Variants in PIP5K1B observed in about 807,000 individuals in gnomAD.
The protein encoded by PIP5K1B is phosphatidylinositol-4-phosphate 5-kinase type 1 beta.
A neutral mutation model predicts 67.0 loss-of-function variants in PIP5K1B; 42 were observed. That is an observed-to-expected ratio of 0.63 (90% CI 0.49 to 0.81). PIP5K1B has a LOEUF of 0.81. Ranked by LOEUF, PIP5K1B falls within the 30% of genes least tolerant of loss-of-function variation. PIP5K1B has a pLI of 0.00. For missense variants in PIP5K1B, 459 were observed against 646.3 expected (o/e 0.71, Z 3.14); for synonymous variants, 214 against 231.4 (o/e 0.92, Z 0.68).
chr9:68,867,691 G>A (rs921939786), intron 5 of PIP5K1B, among the ~76,000 whole-genome samples: 1 of 152,178 alleles, frequency 6.6e-6, no homozygotes, highest in South Asian at 2.1e-4. Context: ...ATACTTTCTT[G>A]TATGTCAATT....
chr9:68,754,803 G>A (rs528810216), intron 2 of PIP5K1B, among the ~76,000 whole-genome samples: 2 of 152,170 alleles, frequency 1.3e-5, no homozygotes, highest in African/African-American at 4.8e-5. Context: ...CTTTTTTTCT[G>A]ATTTTAAAGA....
intron 1 of PIP5K1B, among the ~76,000 whole-genome samples, chr9:68,712,213 C>G (rs1453926853): frequency 6.6e-6 from 1 of 152,156 alleles, no homozygotes; most frequent in Non-Finnish European, 1.5e-5. Flanking sequence ...CTACCCCTCC[C>G]TTGCTCCCTC....
chr9:68,811,038 T>C lies in PIP5K1B; in HGVS notation c.-85-7423T>C, dbSNP rs868445914. ...ACTTGACTGGACTCCAGGAAAATCA[T>C]CCCAAGTCACAACCTCGCTCCTCTC... On this transcript the variant is annotated intron_variant, in intron 2 of 15. Coordinates refer to ENST00000265382, the MANE Select transcript of PIP5K1B (RefSeq NM_003558.4). 6.6e-5 allele frequency among the ~76,000 whole-genome samples: 10 copies of C among 152,258 alleles called. No individual in the cohort carries two copies. In the Middle Eastern group the frequency reaches 0.017, roughly 259 times the overall value.
chr9:68,841,213 A>G (rs1197321464), intron 4 of PIP5K1B, among the ~76,000 whole-genome samples: 1 of 152,264 alleles, frequency 6.6e-6, no homozygotes, highest in East Asian at 1.9e-4. Context: ...TTCAAATGCA[A>G]CACGTTGTGA....
chr9:68,942,020 C>A (rs1827585353), intron 14 of PIP5K1B, among the ~76,000 whole-genome samples: 1 of 152,130 alleles, frequency 6.6e-6, no homozygotes, highest in South Asian at 2.1e-4. Flanking sequence ...CTCTAAGGGC[C>A]AACAAATAAG....
intron 4 of PIP5K1B, among the ~76,000 whole-genome samples, chr9:68,846,333 A>T (rs1368704565): frequency 6.6e-6 from 1 of 152,218 alleles, no homozygotes; most frequent in African/African-American, 2.4e-5. Context: ...TGGTACTGTA[A>T]ACAATTGCTA....
intron 15 of PIP5K1B, among the ~76,000 whole-genome samples, chr9:68,998,344 A>G (rs1346654276): frequency 3.3e-5 from 5 of 151,978 alleles, no homozygotes; most frequent in African/African-American, 1.2e-4. Context: ...GAGCCACTGC[A>G]CCCGGCTGAT....
chr9:68,796,183 T>C (rs1325947126), intron 2 of PIP5K1B, among the ~76,000 whole-genome samples: 4 of 152,228 alleles, frequency 2.6e-5, no homozygotes, highest in African/African-American at 9.6e-5. Context: ...CCCCATGTAA[T>C]ATACAGTGAA....
chr9:68,719,939 G>A (rs1476657411), intron 1 of PIP5K1B, among the ~76,000 whole-genome samples: 2 of 152,150 alleles, frequency 1.3e-5, no homozygotes, highest in African/African-American at 2.4e-5. Context: ...ACATGTGCCT[G>A]GAAGCTTTAG....
chr9:68,710,644 A>G (rs1026853996), intron 1 of PIP5K1B, among the ~76,000 whole-genome samples: 6 of 152,218 alleles, frequency 3.9e-5, no homozygotes, highest in Non-Finnish European at 5.9e-5. Flanking sequence ...ACTCTTGGAA[A>G]GATTTGAAAC....
Position 68,872,326 on chromosome 9 carries a change from C to T in PIP5K1B, c.201-4351C>T, listed in dbSNP as rs1048449180. 4.6e-5 allele frequency among the ~76,000 whole-genome samples: 7 copies of T among 152,340 alleles called. No individual in the cohort carries two copies. In the East Asian group the frequency reaches 9.6e-4, roughly 21 times the overall value. ...CACTCGTGCTCCCCTGACAAATATCCGGGCCCAGCAGGGGCCAGCGATCTC... is the reference window on the plus strand; with the variant it reads ...CACTCGTGCTCCCCTGACAAATATCTGGGCCCAGCAGGGGCCAGCGATCTC... On this transcript the variant is annotated intron_variant, in intron 5 of 15. Transcript: ENST00000265382.
chr9:68,829,272 C>T (rs922123449), intron 4 of PIP5K1B, among the ~76,000 whole-genome samples: 6 of 152,206 alleles, frequency 3.9e-5, no homozygotes, highest in South Asian at 2.1e-4. Context: ...TCTGGAAAGC[C>T]ACCACTTCCA....
chr9:68,714,157 A>G (rs1204006149), intron 1 of PIP5K1B, among the ~76,000 whole-genome samples: 1 of 152,240 alleles, frequency 6.6e-6, no homozygotes, highest in Non-Finnish European at 1.5e-5. Context: ...TCTAGTTTGC[A>G]TAATTGACAT....
At chr9:68,903,863 T>C (rs1185259835) in intron 8 of PIP5K1B, among the ~76,000 whole-genome samples, 1 of 152,214 alleles carries the variant, frequency 6.6e-6, no homozygotes, top group East Asian at 1.9e-4. Flanking sequence ...ACAAATCATA[T>C]GTAATATGTA....
chr9:68,815,778 G>A (rs1285721231), intron 2 of PIP5K1B, among the ~76,000 whole-genome samples: 1 of 151,954 alleles, frequency 6.6e-6, no homozygotes, highest in Admixed American at 6.6e-5. Flanking sequence ...CTTTTAAGAA[G>A]ATTAAGAAAT....
intron 2 of PIP5K1B, chr9:68,786,002 A>C (rs1234787172): frequency 6.6e-6 from 1 of 152,210 alleles, no homozygotes; most frequent in African/African-American, 2.4e-5. Flanking sequence ...AACAAGCCTT[A>C]TTCTTCTTTT....
At chr9:68,708,616 A>T (rs1376512436) in intron 1 of PIP5K1B, among the ~76,000 whole-genome samples, 1 of 133,634 alleles carries the variant, frequency 7.5e-6, no homozygotes, top group East Asian at 2.3e-4. Context: ...GTCCCATTTT[A>T]TGAAAGGGTA....
intron 4 of PIP5K1B, among the ~76,000 whole-genome samples, chr9:68,856,222 C>T (rs147317764): frequency 7.9e-5 from 12 of 152,306 alleles, no homozygotes; most frequent in African/African-American, 2.6e-4. Context: ...CTAATGAACT[C>T]ATATGATTTG....
chr9:68,826,111 AAT>A (rs1160088099), intron 4 of PIP5K1B, among the ~76,000 whole-genome samples: 2 of 152,236 alleles, frequency 1.3e-5, no homozygotes, highest in Non-Finnish European at 2.9e-5. Flanking sequence ...TAATGGCTAA[AAT>A]AAGAAGTTTG....
Sources: allele counts gnomAD v4.1 joint callset (sites outside exome capture counted in the v4.1 genomes callset), GRCh38; gene constraint gnomAD v4.1.1; transcripts MANE v1.5; gene names NCBI Gene and HGNC (gene_info 2026-07-23, HGNC 2026-07-21).